ST6GALNAC3: variants seen among roughly 807,000 people sequenced by gnomAD.
The protein encoded by ST6GALNAC3 is ST6 N-acetylgalactosaminide alpha-2,6-sialyltransferase 3.
In ST6GALNAC3, 25 loss-of-function variants were observed where a neutral mutation model predicts 32.7. That is an observed-to-expected ratio of 0.76 (90% confidence interval 0.56 to 1.07). The LOEUF is 1.07. ST6GALNAC3 is among the 50% of genes least tolerant of loss of function. The probability of loss-of-function intolerance (pLI) is 0.00; values close to 1 mark genes in which losing one functional copy is unlikely to be tolerated. For synonymous variants in ST6GALNAC3, 129 were observed against 133.1 expected, an observed-to-expected ratio of 0.97 and a Z score of 0.21; for missense variants, 355 against 382.4, an observed-to-expected ratio of 0.93 and a Z score of 0.60.
At chr1:76,112,041 G>A (rs1178600041) in intron 1 of ST6GALNAC3, among the ~76,000 whole-genome samples, 2 of 150,598 alleles carry the variant, frequency 1.3e-5, no homozygotes, top group Non-Finnish European at 3.0e-5. Flanking sequence ...CTCACCTCCC[G>A]GATGGGGAGG....
At chr1:76,302,801 G>A (rs1270765971) in intron 1 of ST6GALNAC3, among the ~76,000 whole-genome samples, 1 of 151,842 alleles carries the variant, frequency 6.6e-6, no homozygotes, top group African/African-American at 2.4e-5. Context: ...CAGGTTCTGG[G>A]CGTTTTGAAC....
At chr1:76,359,699 A>G (rs193216559) in intron 2 of ST6GALNAC3, among the ~76,000 whole-genome samples, 1 of 152,332 alleles carries the variant, frequency 6.6e-6, no homozygotes, top group East Asian at 1.9e-4. Context: ...TTCTGGCTGC[A>G]GTGTAGAGAA....
chr1:76,354,759 T>C (rs1649302908), intron 2 of ST6GALNAC3, among the ~76,000 whole-genome samples: 1 of 152,114 alleles, frequency 6.6e-6, no homozygotes, highest in Non-Finnish European at 1.5e-5. Flanking sequence ...GAGTGTTGGT[T>C]TGGGGGGATG....
intron 2 of ST6GALNAC3, among the ~76,000 whole-genome samples, chr1:76,319,838 T>C (rs1356594101): frequency 6.6e-6 from 1 of 152,348 alleles, no homozygotes; most frequent in African/African-American, 2.4e-5. Flanking sequence ...TTTCATCCTT[T>C]GTTCTGACAG....
intron 1 of ST6GALNAC3, among the ~76,000 whole-genome samples, chr1:76,291,086 A>G (rs953521108): frequency 2.6e-5 from 4 of 152,240 alleles, no homozygotes; most frequent in African/African-American, 9.6e-5. Context: ...GCTTGTTTTG[A>G]GCAGGAAAGG....
chr1:76,482,241 T>TA (rs1659772724), intron 3 of ST6GALNAC3, among the ~76,000 whole-genome samples: 1 of 152,108 alleles, frequency 6.6e-6, no homozygotes, highest in South Asian at 2.1e-4. Context: ...TCTGAAAGGT[T>TA]ATGAGCCCCT....
At chr1:76,219,938 T>C (rs917711674) in intron 1 of ST6GALNAC3, among the ~76,000 whole-genome samples, 7 of 152,148 alleles carry the variant, frequency 4.6e-5, no homozygotes, top group African/African-American at 1.7e-4. Flanking sequence ...CCCTGAGCAA[T>C]TCCTGTGACT....
At chr1:76,349,210 A>C (rs1385855591) in intron 2 of ST6GALNAC3, among the ~76,000 whole-genome samples, 1 of 152,076 alleles carries the variant, frequency 6.6e-6, no homozygotes, top group Non-Finnish European at 1.5e-5. Flanking sequence ...GCCTAGGTTC[A>C]CCTTGGCCAG....
At chr1:76,435,127 T>C (rs1656051109) in intron 3 of ST6GALNAC3, among the ~76,000 whole-genome samples, 1 of 152,098 alleles carries the variant, frequency 6.6e-6, no homozygotes, top group South Asian at 2.1e-4. Context: ...TTTAGTACTC[T>C]CAGTCACTTA....
At chr1:76,088,172 G>A (rs897703289) in intron 1 of ST6GALNAC3, among the ~76,000 whole-genome samples, 2 of 147,506 alleles carry the variant, frequency 1.4e-5, no homozygotes, top group African/African-American at 5.1e-5. Flanking sequence ...AGTGGTTAAA[G>A]TTACAAAACT....
At chr1:76,377,550 G>A (rs1651337183) in intron 2 of ST6GALNAC3, among the ~76,000 whole-genome samples, 1 of 152,134 alleles carries the variant, frequency 6.6e-6, no homozygotes, top group South Asian at 2.1e-4. Context: ...CAAGGGGGAA[G>A]TTTGCCTCCA....
chr1:76,569,122 T>C (rs895139126), intron 3 of ST6GALNAC3, among the ~76,000 whole-genome samples: 1 of 152,098 alleles, frequency 6.6e-6, no homozygotes, highest in Admixed American at 6.6e-5. Flanking sequence ...TCTAGGGAAA[T>C]GAATGAAGGG....
chr1:76,367,454 A>G (rs567013850), intron 2 of ST6GALNAC3, among the ~76,000 whole-genome samples: 2 of 152,244 alleles, frequency 1.3e-5, no homozygotes, highest in Non-Finnish European at 2.9e-5. Context: ...AATAAACATA[A>G]CTAAGAACAA....
At chr1:76,297,437 T>A (rs1660468279) in intron 1 of ST6GALNAC3, among the ~76,000 whole-genome samples, 1 of 151,926 alleles carries the variant, frequency 6.6e-6, no homozygotes, top group Non-Finnish European at 1.5e-5. Context: ...TATTCTAACT[T>A]ATTGGGGTAG....
intron 2 of ST6GALNAC3, among the ~76,000 whole-genome samples, chr1:76,405,073 T>G (rs1653725565): frequency 6.6e-6 from 1 of 152,104 alleles, no homozygotes; most frequent in African/African-American, 2.4e-5. Context: ...TATCCAATGT[T>G]GTGTTTCAAA....
chr1:76,576,938 GAAAGAAAGAAAC>G, intron 3 of ST6GALNAC3: 1 of 1,289,760 alleles, frequency 7.8e-7, no homozygotes, highest in African/African-American at 1.6e-5. Context: ...ATAAAAGAAA[GAAAGAAAGAAAC>G]AAACAAACAA....
At chr1:76,313,681 T>C (rs1646811555) in intron 1 of ST6GALNAC3, 124 bp from the exon 2 acceptor site, 3 of 1,039,340 alleles carry the variant, frequency 2.9e-6, no homozygotes, top group Non-Finnish European at 4.5e-6. Context: ...AGGTAAAATA[T>C]GCTGAATGAC....
chr1:76,187,695 G>A (rs1653642469), intron 1 of ST6GALNAC3, among the ~76,000 whole-genome samples: 1 of 151,986 alleles, frequency 6.6e-6, no homozygotes, highest in African/African-American at 2.4e-5. Flanking sequence ...TATGCTGATC[G>A]AAGACTCTCT....
intron 3 of ST6GALNAC3, among the ~76,000 whole-genome samples, chr1:76,584,336 T>C (rs1557599320): frequency 6.6e-6 from 1 of 152,190 alleles, no homozygotes; most frequent in East Asian, 1.9e-4. Flanking sequence ...TGGTTCAGAA[T>C]AAACGCTGAA....
Sources: gnomAD v4.1 joint callset for allele counts (sites outside exome capture counted in the v4.1 genomes callset) on GRCh38, gnomAD v4.1.1 for gene constraint, MANE v1.5 for transcripts, NCBI Gene and HGNC (gene_info 2026-07-23, HGNC 2026-07-21) for gene names.